Variants in DOCK1 observed in about 807,000 individuals in gnomAD.
DOCK1 encodes dedicator of cytokinesis 1, also known as dedicator of cytokinesis protein 1.
A neutral mutation model predicts 262.7 loss-of-function variants in DOCK1; 138 were observed. The ratio of observed to expected loss-of-function variants is 0.53; its 90% CI spans 0.46 to 0.61. The LOEUF is 0.61. Ranked by LOEUF, DOCK1 falls within the 20% of genes least tolerant of loss-of-function variation. DOCK1 has a pLI of 0.00. For missense variants in DOCK1, 1,908 were observed against 2,370.7 expected, an observed-to-expected ratio of 0.80 and a Z score of 4.05; for synonymous variants, 866 against 867.4, an observed-to-expected ratio of 1.00 and a Z score of 0.03.
intron 27 of DOCK1, among the ~76,000 whole-genome samples, chr10:127,172,909 C>T (rs1043490045): frequency 1.3e-5 from 2 of 152,154 alleles, no homozygotes; most frequent in African/African-American, 2.4e-5. Flanking sequence ...ATGTGGCTAT[C>T]GAGCATTTGA....
intron 29 of DOCK1, among the ~76,000 whole-genome samples, chr10:127,319,125 A>G (rs1233978264): frequency 6.6e-6 from 1 of 152,246 alleles, no homozygotes. Context: ...AGAAATCAGA[A>G]AGGATAAAAC....
At chr10:127,213,455 T>A (rs1232041978) in intron 27 of DOCK1, among the ~76,000 whole-genome samples, 1 of 152,212 alleles carries the variant, frequency 6.6e-6, no homozygotes, top group Non-Finnish European at 1.5e-5. Flanking sequence ...TTTGGAATCA[T>A]TTTTGGGGGT....
chr10:127,389,521 G>T (rs1178803842), intron 38 of DOCK1, among the ~76,000 whole-genome samples: 1 of 152,166 alleles, frequency 6.6e-6, no homozygotes, highest in African/African-American at 2.4e-5. Flanking sequence ...ACAGCCCAAG[G>T]AAACTTGAAG....
chr10:127,269,865 T>G (rs1021983595), intron 29 of DOCK1, among the ~76,000 whole-genome samples: 4 of 152,222 alleles, frequency 2.6e-5, no homozygotes, highest in African/African-American at 9.7e-5. Flanking sequence ...ATGCAGTCCT[T>G]GGGAAGCCCC....
At chr10:127,148,150 G>A (rs1336164658) in intron 27 of DOCK1, among the ~76,000 whole-genome samples, 1 of 151,790 alleles carries the variant, frequency 6.6e-6, no homozygotes, top group Non-Finnish European at 1.5e-5. Flanking sequence ...CCTCTCTGAT[G>A]TCAGACAAGT....
At chr10:127,030,961 T>G (rs1426970661) in intron 16 of DOCK1, among the ~76,000 whole-genome samples, 1 of 152,086 alleles carries the variant, frequency 6.6e-6, no homozygotes, top group Non-Finnish European at 1.5e-5. Flanking sequence ...CAAGATATGG[T>G]CACTTTGGAG....
chr10:126,984,664 C>T (rs766633840), intron 4 of DOCK1, among the ~76,000 whole-genome samples: 11 of 151,514 alleles, frequency 7.3e-5, no homozygotes, highest in South Asian at 4.2e-4. Context: ...CCACCGCACC[C>T]GGCCAAAAAA....
chr10:127,147,928 G>T (rs753523190), intron 27 of DOCK1, among the ~76,000 whole-genome samples: 4 of 150,398 alleles, frequency 2.7e-5, no homozygotes, highest in Non-Finnish European at 5.9e-5. Flanking sequence ...CTACTCGGGA[G>T]GCTGAGGCAG....
chr10:127,032,474 T>C (rs2043307720), intron 18 of DOCK1, among the ~76,000 whole-genome samples, 154 bp downstream of exon 18: 1 of 152,242 alleles, frequency 6.6e-6, no homozygotes. Flanking sequence ...TATCAATGCA[T>C]AGAAGGTGGC....
chr10:127,240,550 T>G (rs1034333456), intron 27 of DOCK1, among the ~76,000 whole-genome samples: 17 of 152,196 alleles, frequency 1.1e-4, no homozygotes, highest in African/African-American at 3.4e-4. Flanking sequence ...TGTCTTATGC[T>G]TAATCAAATA....
Position 127,310,171 on chromosome 10 carries a change from G to A in DOCK1, c.3045-28835G>A, listed in dbSNP as rs555695048. On this transcript the variant is annotated intron_variant, in intron 29 of 51. Coordinates refer to ENST00000623213, the MANE Select transcript of DOCK1 (RefSeq NM_001290223.2). The stretch of plus-strand genomic sequence containing the variant: ...ATTATAAGCGTGAGCCACTGCGCCC[G>A]GCCTGCTTTACACTTTTTACATAGA... Among the ~76,000 whole-genome samples, 86 of 152,222 alleles carry A rather than the reference G, an allele frequency of 5.6e-4. 1 individual carries two copies. Among genetic ancestry groups the A allele is most frequent in the Admixed American group, 1.4e-3 (21 of 15,288 alleles).
intron 27 of DOCK1, among the ~76,000 whole-genome samples, chr10:127,219,022 C>A (rs923828219): frequency 6.6e-6 from 1 of 152,206 alleles, no homozygotes; most frequent in Non-Finnish European, 1.5e-5. Flanking sequence ...TTAAAGGATG[C>A]ACTTCTTAAT....
At chr10:126,949,463 T>C (rs1339221339) in intron 1 of DOCK1, among the ~76,000 whole-genome samples, 1 of 152,042 alleles carries the variant, frequency 6.6e-6, no homozygotes, top group East Asian at 1.9e-4. Context: ...TGGGTAGGTG[T>C]GTGAGGGAGG....
chr10:127,296,237 G>T (rs1331417260), intron 29 of DOCK1, among the ~76,000 whole-genome samples: 1 of 152,188 alleles, frequency 6.6e-6, no homozygotes, highest in Non-Finnish European at 1.5e-5. Context: ...TTTTCACATA[G>T]ATTCTTACAA....
At chr10:127,304,528 T>A (rs1590356686) in intron 29 of DOCK1, among the ~76,000 whole-genome samples, 1 of 152,156 alleles carries the variant, frequency 6.6e-6, no homozygotes, top group East Asian at 1.9e-4. Flanking sequence ...GTTAGCTGAT[T>A]AATTGAAAAC....
At chr10:127,124,330 G>A (rs939129265) in intron 25 of DOCK1, among the ~76,000 whole-genome samples, 1 of 152,210 alleles carries the variant, frequency 6.6e-6, no homozygotes, top group African/African-American at 2.4e-5. Flanking sequence ...AGGTTTTAGA[G>A]CACTGCTGTC....
chr10:127,166,887 T>G (rs2054133570), intron 27 of DOCK1, among the ~76,000 whole-genome samples: 1 of 152,182 alleles, frequency 6.6e-6, no homozygotes, highest in Admixed American at 6.5e-5. Flanking sequence ...GATTGCCTAG[T>G]GGCTCGGTGG....
chr10:127,075,576 G>T (rs1039956328), intron 23 of DOCK1, among the ~76,000 whole-genome samples: 10 of 152,198 alleles, frequency 6.6e-5, no homozygotes, highest in Non-Finnish European at 1.5e-4. Flanking sequence ...TTTAACGGAA[G>T]CATGATTAGG....
At chr10:127,222,734 T>G (rs1182425176) in intron 27 of DOCK1, among the ~76,000 whole-genome samples, 1 of 152,010 alleles carries the variant, frequency 6.6e-6, no homozygotes, top group East Asian at 1.9e-4. Context: ...GGTATGATCG[T>G]GGCTCACTGC....
Sources: allele counts gnomAD v4.1 joint callset (sites outside exome capture counted in the v4.1 genomes callset), GRCh38; gene constraint gnomAD v4.1.1; transcripts MANE v1.5; gene names NCBI Gene and HGNC (gene_info 2026-07-23, HGNC 2026-07-21).